LRFN2: variants seen among roughly 807,000 people sequenced by gnomAD.
LRFN2 encodes leucine-rich repeat and fibronectin type-III domain-containing protein 2.
A neutral mutation model predicts 37.3 loss-of-function variants in LRFN2; 18 were observed. The observed-to-expected ratio is 0.48, with a 90% CI of 0.33 to 0.72. The LOEUF is 0.72. Ranked by LOEUF, LRFN2 falls within the 30% of genes least tolerant of loss-of-function variation. The probability of loss-of-function intolerance (pLI) is 0.02; values close to 1 mark genes in which losing one functional copy is unlikely to be tolerated. For synonymous variants in LRFN2, 556 were observed against 466.6 expected (o/e 1.19, Z -2.47); for missense variants, 1,006 against 1,060.7 (o/e 0.95, Z 0.72).
At chr6:40,449,294 A>C (rs952221803) in intron 1 of LRFN2, among the ~76,000 whole-genome samples, 1 of 152,230 alleles carries the variant, frequency 6.6e-6, no homozygotes, top group African/African-American at 2.4e-5. Context: ...ACAAATTGTA[A>C]ATTTACAACA....
chr6:40,532,751 T>C (rs1766370259), intron 1 of LRFN2, among the ~76,000 whole-genome samples: 1 of 152,240 alleles, frequency 6.6e-6, no homozygotes, highest in Non-Finnish European at 1.5e-5. Flanking sequence ...TGACTTTTAT[T>C]ATAATCATTA....
At chr6:40,431,014 G>T (rs1185961833) in intron 2 of LRFN2, among the ~76,000 whole-genome samples, 3 of 152,174 alleles carry the variant, frequency 2.0e-5, no homozygotes, top group Non-Finnish European at 4.4e-5. Context: ...ATACAGATTT[G>T]TAGGGGACCT....
At chr6:40,496,302 C>T (rs563109445) in intron 1 of LRFN2, among the ~76,000 whole-genome samples, 2 of 152,272 alleles carry the variant, frequency 1.3e-5, no homozygotes, top group East Asian at 3.9e-4. Flanking sequence ...AACGTGTCCT[C>T]CACAGAGCAG....
At chr6:40,465,169 G>T (rs764259528) in intron 1 of LRFN2, among the ~76,000 whole-genome samples, 1 of 152,114 alleles carries the variant, frequency 6.6e-6, no homozygotes, top group Non-Finnish European at 1.5e-5. Context: ...CATAAGCTAA[G>T]GAGTGTGGGC....
chr6:40,478,846 C>T (rs191628920), intron 1 of LRFN2, among the ~76,000 whole-genome samples: 18 of 152,304 alleles, frequency 1.2e-4, no homozygotes, highest in African/African-American at 4.3e-4. Flanking sequence ...AATTTGGAAC[C>T]AGCTAGTGGT....
chr6:40,436,307 T>C (rs950258438), intron 1 of LRFN2, among the ~76,000 whole-genome samples: 2 of 152,248 alleles, frequency 1.3e-5, no homozygotes, highest in Non-Finnish European at 1.5e-5. Context: ...TCACCTGTTT[T>C]TGTAAATAAA....
intron 2 of LRFN2, among the ~76,000 whole-genome samples, chr6:40,413,074 C>T (rs1050298603): frequency 6.6e-6 from 1 of 152,112 alleles, no homozygotes; most frequent in Non-Finnish European, 1.5e-5. Context: ...TCTTTTTCTC[C>T]ATCTCTGTGC....
At chr6:40,424,858 C>G (rs75440451) in intron 2 of LRFN2, among the ~76,000 whole-genome samples, 18,689 of 152,292 alleles carry the variant, frequency 0.12, 1,226 homozygotes, top group African/African-American at 0.15. Flanking sequence ...AAGAACACCA[C>G]TTCCCACTAG....
chr6:40,567,995 T>C (rs554002419), intron 1 of LRFN2, among the ~76,000 whole-genome samples: 2 of 152,352 alleles, frequency 1.3e-5, no homozygotes, highest in South Asian at 2.1e-4. Context: ...AGCTGCCAGA[T>C]GATCAATTTA....
intron 1 of LRFN2, among the ~76,000 whole-genome samples, chr6:40,565,954 C>G (rs1405408507): frequency 1.3e-5 from 2 of 152,036 alleles, no homozygotes; most frequent in Admixed American, 1.3e-4. Context: ...AGGCAACCTA[C>G]AGAATGGGAG....
At chr6:40,479,431 C>T (rs575054708) in intron 1 of LRFN2, among the ~76,000 whole-genome samples, 61 of 152,274 alleles carry the variant, frequency 4.0e-4, no homozygotes, top group African/African-American at 1.3e-3. Context: ...CTAGACAAGT[C>T]GCTTTCTCTC....
At chr6:40,403,796 T>C (rs1007122202) in intron 2 of LRFN2, among the ~76,000 whole-genome samples, 2 of 152,124 alleles carry the variant, frequency 1.3e-5, no homozygotes, top group Non-Finnish European at 2.9e-5. Context: ...ATCCTGTCTT[T>C]CTCTGCTCAA....
chr6:40,455,522 G>A (rs1385590465), intron 1 of LRFN2, among the ~76,000 whole-genome samples: 1 of 152,182 alleles, frequency 6.6e-6, no homozygotes, highest in African/African-American at 2.4e-5. Context: ...ACTAGCCAAT[G>A]GAAATATCCT....
At chr6:40,564,759 T>C (rs1767058480) in intron 1 of LRFN2, among the ~76,000 whole-genome samples, 1 of 152,148 alleles carries the variant, frequency 6.6e-6, no homozygotes, top group Non-Finnish European at 1.5e-5. Context: ...CCATTGCTCA[T>C]AGTAAAAATG....
At chr6:40,586,340 A>T (rs923520596) in intron 1 of LRFN2, among the ~76,000 whole-genome samples, 3 of 152,058 alleles carry the variant, frequency 2.0e-5, no homozygotes, top group Non-Finnish European at 4.4e-5. Flanking sequence ...TGATGCCCCA[A>T]GCTGCACACA....
At chr6:40,497,949 C>G (rs992609709) in intron 1 of LRFN2, among the ~76,000 whole-genome samples, 2 of 152,190 alleles carry the variant, frequency 1.3e-5, no homozygotes, top group African/African-American at 2.4e-5. Context: ...TGGGGAACAG[C>G]CCTGAGAGGG....
chr6:40,511,264 A>G (rs948176422), intron 1 of LRFN2, among the ~76,000 whole-genome samples: 1 of 151,976 alleles, frequency 6.6e-6, no homozygotes, highest in Non-Finnish European at 1.5e-5. Flanking sequence ...CATCCACACA[A>G]CTCTTGAAGT....
chr6:40,532,923 G>T (rs962939978), intron 1 of LRFN2, among the ~76,000 whole-genome samples: 1 of 152,176 alleles, frequency 6.6e-6, no homozygotes, highest in Non-Finnish European at 1.5e-5. Flanking sequence ...CATCACATCC[G>T]TAGCTTAGTT....
chr6:40,473,952 C>T (rs1336279043), intron 1 of LRFN2, among the ~76,000 whole-genome samples: 7 of 152,182 alleles, frequency 4.6e-5, no homozygotes, highest in Non-Finnish European at 4.4e-5. Context: ...CACACTGCCT[C>T]GCACACATGC....
Sources: allele counts gnomAD v4.1 joint callset (sites outside exome capture counted in the v4.1 genomes callset), GRCh38; gene constraint gnomAD v4.1.1; transcripts MANE v1.5; gene names NCBI Gene and HGNC (gene_info 2026-07-23, HGNC 2026-07-21).